RBFOX1: variants seen among roughly 807,000 people sequenced by gnomAD.
The protein encoded by RBFOX1 is RNA binding fox-1 homolog 1.
In RBFOX1, 8 loss-of-function variants were observed where a neutral mutation model predicts 57.7. That is an observed-to-expected ratio of 0.14 (90% CI 0.08 to 0.25). The LOEUF is 0.25. Ranked by LOEUF, RBFOX1 falls within the 10% of genes least tolerant of loss-of-function variation. The pLI is 1.00. For synonymous variants in RBFOX1, 326 were observed against 222.4 expected, an observed-to-expected ratio of 1.47 and a Z score of -4.15; for missense variants, 611 against 548.5, an observed-to-expected ratio of 1.11 and a Z score of -1.14.
chr16:7,262,066 G>T (rs1195926199), intron 4 of RBFOX1, among the ~76,000 whole-genome samples: 1 of 152,102 alleles, frequency 6.6e-6, no homozygotes, highest in Non-Finnish European at 1.5e-5. Flanking sequence ...CTTTTTGGAG[G>T]TTTCACTATG....
chr16:5,586,864 AG>A (rs1204734799), intron 2 of RBFOX1, among the ~76,000 whole-genome samples: 3 of 152,216 alleles, frequency 2.0e-5, no homozygotes, highest in Non-Finnish European at 2.9e-5. Context: ...GGTTTGGACC[AG>A]GACAGTATCC....
chr16:5,505,211 C>G lies in RBFOX1; in HGVS notation c.258+37957C>G, dbSNP rs556333261. The stretch of plus-strand genomic sequence containing the variant: ...CCTCTTGTATGACCCCTTCTTGCCC[C>G]CTTCTCCTCTACTTAAAACCTGGAA... On this transcript the variant is annotated intron_variant, in intron 2 of 2. Coordinates refer to the RBFOX1 transcript ENST00000585867. Among the ~76,000 whole-genome samples, 5 of 152,318 alleles carry G rather than the reference C, an allele frequency of 3.3e-5. No individual in the cohort carries two copies. In the South Asian group the frequency reaches 8.3e-4, roughly 25 times the overall value.
chr16:5,601,411 G>A (rs560760384), downstream of RBFOX1: 71 of 152,328 alleles, frequency 4.7e-4, no homozygotes, highest in Non-Finnish European at 9.2e-4. Context: ...AAGCCACATG[G>A]GAGGATGGGA....
intron 10 of RBFOX1, among the ~76,000 whole-genome samples, chr16:7,628,511 C>T (rs1021490558): frequency 1.3e-5 from 2 of 152,072 alleles, no homozygotes; most frequent in Non-Finnish European, 2.9e-5. Context: ...AATCTCCATT[C>T]TTTGGAGTTT....
At chr16:7,186,253 CAT>C (rs1410261935) in intron 4 of RBFOX1, among the ~76,000 whole-genome samples, 1 of 74,938 alleles carries the variant, frequency 1.3e-5, no homozygotes, top group Non-Finnish European at 2.6e-5. Flanking sequence ...TAAACATAAA[CAT>C]ATTTATATAA....
chr16:7,078,826 T>G (rs2058706285), intron 4 of RBFOX1, among the ~76,000 whole-genome samples: 1 of 147,304 alleles, frequency 6.8e-6, no homozygotes, highest in Admixed American at 6.8e-5. Flanking sequence ...GGGATTAGAG[T>G]AATGTGCCAC....
At chr16:5,860,067 C>T (rs1486289962) in intron 3 of RBFOX1, among the ~76,000 whole-genome samples, 1 of 152,118 alleles carries the variant, frequency 6.6e-6, no homozygotes, top group Non-Finnish European at 1.5e-5. Flanking sequence ...GCCCAGTAGA[C>T]AGTAGTGGAC....
Position 6,780,017 on chromosome 16 carries a change from TTATATATTTA to T in RBFOX1, c.-16+125388_-16+125397del, listed in dbSNP as rs1567211489. 4.5e-4 allele frequency among the ~76,000 whole-genome samples: 10 copies of T among 22,300 alleles called. 2 individuals are homozygous for T. Among genetic ancestry groups the T allele is most frequent in the South Asian group, 2.0e-3 (1 of 488 alleles). The allele number at this position is 22,300 out of a possible 152,430, so 14.6% of individuals were successfully genotyped here. ...TATATTTATATATATTTATATATAT[TTATATATTTA>T]TATATATTTATATATATTTACATAT... On this transcript the variant is annotated intron_variant, in intron 3 of 15. Coordinates refer to ENST00000550418, the MANE Select transcript of RBFOX1 (RefSeq NM_018723.4).
At position 6,852,943 on chromosome 16, in the gene RBFOX1, G is replaced by C. The variant is rs28391791; in HGVS notation, c.-16+198293G>C. ...AGCTGTCCATGCAAGGAGGATGCTG[G>C]GACTGTGTTGATGACATCAAGAGAC... On this transcript the variant is annotated intron_variant, in intron 3 of 15. Coordinates refer to ENST00000550418, the MANE Select transcript of RBFOX1 (RefSeq NM_018723.4). 6.7e-3 allele frequency among the ~76,000 whole-genome samples: 1,019 copies of C among 152,306 alleles called. 12 individuals are homozygous for C. The highest frequency in any genetic ancestry group is 0.023 in the African/African-American group (974 of 41,562).
chr16:5,999,365 G>A (rs749983503), intron 4 of RBFOX1, among the ~76,000 whole-genome samples: 1 of 152,098 alleles, frequency 6.6e-6, no homozygotes, highest in African/African-American at 2.4e-5. Flanking sequence ...CCTTCCTTAA[G>A]TCTTCAGACC....
chr16:6,132,675 CTG>C (rs762126293), intron 1 of RBFOX1, among the ~76,000 whole-genome samples: 9 of 152,116 alleles, frequency 5.9e-5, no homozygotes, highest in Non-Finnish European at 1.2e-4. Context: ...GGAAAAGTGA[CTG>C]TATATTTGGG....
intron 2 of RBFOX1, among the ~76,000 whole-genome samples, chr16:6,419,203 C>A (rs989700690): frequency 6.6e-6 from 1 of 152,128 alleles, no homozygotes; most frequent in African/African-American, 2.4e-5. Context: ...AGACCTAATT[C>A]GAATGCCCCC....
intron 3 of RBFOX1, among the ~76,000 whole-genome samples, chr16:5,693,946 T>C (rs1179591986): frequency 6.6e-6 from 1 of 152,240 alleles, no homozygotes; most frequent in East Asian, 1.9e-4. Flanking sequence ...GGCCTTGTGT[T>C]ACCCATTTTC....
At chr16:5,648,551 G>A (rs1381407482) in intron 3 of RBFOX1, among the ~76,000 whole-genome samples, 7 of 152,006 alleles carry the variant, frequency 4.6e-5, no homozygotes, top group East Asian at 1.9e-4. Flanking sequence ...TCTAGTGGGC[G>A]GAGACCAGGG....
chr16:5,398,887 A>C (rs533136247), intron 1 of RBFOX1, among the ~76,000 whole-genome samples: 1 of 152,208 alleles, frequency 6.6e-6, no homozygotes. Context: ...CAGGGACCCT[A>C]TTAAACGCTT....
intron 2 of RBFOX1, among the ~76,000 whole-genome samples, chr16:6,637,281 A>T (rs1266552057): frequency 8.1e-5 from 5 of 61,364 alleles, no homozygotes; most frequent in African/African-American, 4.3e-4. Flanking sequence ...ATTATATATT[A>T]TATATAATAT....
intron 2 of RBFOX1, among the ~76,000 whole-genome samples, chr16:5,489,849 C>A (rs145571751): frequency 2.0e-5 from 3 of 152,234 alleles, no homozygotes. Context: ...AACTCCCAAG[C>A]TGTCTTTTTC....
At chr16:7,439,126 T>C (rs1233320234) in intron 4 of RBFOX1, among the ~76,000 whole-genome samples, 2 of 152,200 alleles carry the variant, frequency 1.3e-5, no homozygotes, top group African/African-American at 2.4e-5. Flanking sequence ...GGCAAATGGA[T>C]GCCCTTGTCC....
chr16:5,319,598 C>G (rs1340841821), intron 1 of RBFOX1, among the ~76,000 whole-genome samples: 1 of 152,190 alleles, frequency 6.6e-6, no homozygotes, highest in Non-Finnish European at 1.5e-5. Flanking sequence ...TGGACCTTGT[C>G]TTGGATGGGT....
Sources: gnomAD v4.1 joint callset for allele counts (sites outside exome capture counted in the v4.1 genomes callset) on GRCh38, gnomAD v4.1.1 for gene constraint, MANE v1.5 for transcripts, NCBI Gene and HGNC (gene_info 2026-07-23, HGNC 2026-07-21) for gene names.